The following RALGAPA2 variants were observed in gnomAD, a reference collection of about 807,000 sequenced individuals.
RALGAPA2 encodes Ral GTPase activating protein catalytic subunit alpha 2, also known as ral GTPase-activating protein subunit alpha-2.
In RALGAPA2, 139 loss-of-function variants were observed where a neutral mutation model predicts 230.4. The observed-to-expected ratio is 0.60, with a 90% confidence interval of 0.53 to 0.69. The LOEUF (loss-of-function observed/expected upper bound fraction) is 0.69, where lower values mean the gene tolerates loss of function less well. Ranked by LOEUF, RALGAPA2 falls within the 30% of genes least tolerant of loss-of-function variation. The pLI, the probability that RALGAPA2 is intolerant of heterozygous loss-of-function variation, is 0.00. For synonymous variants in RALGAPA2, 847 were observed against 837.8 expected (o/e 1.01, Z -0.19); for missense variants, 2,163 against 2,276.0 (o/e 0.95, Z 1.01).
chr20:20,509,696 A>T (rs59482506), intron 33 of RALGAPA2, among the ~76,000 whole-genome samples: 1 of 152,170 alleles, frequency 6.6e-6, no homozygotes, highest in African/African-American at 2.4e-5. Flanking sequence ...GGGTGAAGAA[A>T]AGAAAAGAAA....
intron 1 of RALGAPA2, among the ~76,000 whole-genome samples, chr20:20,692,952 C>T (rs2068968740): frequency 6.6e-6 from 1 of 152,274 alleles, no homozygotes. Context: ...CAAAAATATC[C>T]TTGTAGGCAG....
intron 5 of RALGAPA2, among the ~76,000 whole-genome samples, chr20:20,642,335 C>T (rs949668415): frequency 6.6e-6 from 1 of 151,992 alleles, no homozygotes; most frequent in East Asian, 1.9e-4. Flanking sequence ...CTCAGCCTCC[C>T]GAGTAGCTGA....
intron 10 of RALGAPA2, among the ~76,000 whole-genome samples, chr20:20,626,124 C>A (rs921875072): frequency 6.6e-6 from 1 of 152,212 alleles, no homozygotes; most frequent in Non-Finnish European, 1.5e-5. Flanking sequence ...ACTTCTTGAA[C>A]ATCCATTTTA....
rs1369361840 is a variant in RALGAPA2 at position 20,490,872 on chromosome 20, A to ACG, written c.5367+4244_5367+4245insCG. Among the ~76,000 whole-genome samples, 13 of 151,098 alleles carry ACG rather than the reference A, an allele frequency of 8.6e-5. 1 individual carries two copies. The highest frequency in any genetic ancestry group is 3.2e-4 in the African/African-American group (13 of 41,014). ...CATGAACACACATGAACACACACAC[A>ACG]CACACACACACACACACACACACTC... On this transcript the variant is annotated intron_variant, in intron 36 of 39. Transcript: ENST00000202677.
intron 37 of RALGAPA2, among the ~76,000 whole-genome samples, chr20:20,454,106 C>A (rs938922542): frequency 1.3e-5 from 2 of 152,060 alleles, no homozygotes; most frequent in African/African-American, 2.4e-5. Flanking sequence ...GAGCTAAGCT[C>A]AACTTAAGGG....
chr20:20,475,539 T>C (rs908473492), intron 36 of RALGAPA2, among the ~76,000 whole-genome samples: 3 of 152,042 alleles, frequency 2.0e-5, no homozygotes, highest in Non-Finnish European at 4.4e-5. Flanking sequence ...CACTCATAAT[T>C]AGAAAAACAA....
At chr20:20,493,884 T>C (rs2062131902) in intron 36 of RALGAPA2, among the ~76,000 whole-genome samples, 1 of 152,222 alleles carries the variant, frequency 6.6e-6, no homozygotes, top group Non-Finnish European at 1.5e-5. Flanking sequence ...ACTTTTGGCA[T>C]CTGCGTTCCC....
chr20:20,397,929 C>G (rs1325238521), intron 38 of RALGAPA2, among the ~76,000 whole-genome samples: 5 of 152,154 alleles, frequency 3.3e-5, no homozygotes. Flanking sequence ...CCGTTAACAC[C>G]GTTCCTTCTC....
At chr20:20,614,844 C>T (rs767239697) in intron 13 of RALGAPA2, among the ~76,000 whole-genome samples, 4 of 152,188 alleles carry the variant, frequency 2.6e-5, no homozygotes, top group Non-Finnish European at 5.9e-5. Context: ...CTCCAGAATA[C>T]AGGCATAGGC....
intron 1 of RALGAPA2, among the ~76,000 whole-genome samples, chr20:20,693,496 T>C (rs1423318046): frequency 6.6e-6 from 1 of 152,048 alleles, no homozygotes; most frequent in Non-Finnish European, 1.5e-5. Flanking sequence ...TCAAAATCGC[T>C]CCTGAGGGGA....
At chr20:20,526,163 C>CA (rs1385691623) in intron 28 of RALGAPA2, 89 bp downstream of exon 28, 1 of 1,031,434 alleles carries the variant, frequency 9.7e-7, no homozygotes, top group African/African-American at 1.6e-5. Flanking sequence ...GGTTCTCTAA[C>CA]AATTATTTGA....
At chr20:20,498,365 A>G (rs2062274215) in intron 35 of RALGAPA2, among the ~76,000 whole-genome samples, 1 of 152,224 alleles carries the variant, frequency 6.6e-6, no homozygotes, top group Non-Finnish European at 1.5e-5. Context: ...GTCTTAAGAA[A>G]TCAATCCCGG....
chr20:20,600,875 G>A (rs1176459770), intron 16 of RALGAPA2, among the ~76,000 whole-genome samples: 1 of 152,226 alleles, frequency 6.6e-6, no homozygotes. Flanking sequence ...GCCGAGGCGG[G>A]CAGATCACGA....
chr20:20,607,717 T>C (rs2065862914), intron 14 of RALGAPA2, among the ~76,000 whole-genome samples: 1 of 152,220 alleles, frequency 6.6e-6, no homozygotes, highest in South Asian at 2.1e-4. Context: ...AAAGCAGATG[T>C]CTTGGTGTAA....
chr20:20,552,565 A>C (rs926652187), intron 23 of RALGAPA2, among the ~76,000 whole-genome samples: 2 of 152,210 alleles, frequency 1.3e-5, no homozygotes, highest in Admixed American at 1.3e-4. Flanking sequence ...GGCTAACAAA[A>C]AGATATGATT....
intron 12 of RALGAPA2, among the ~76,000 whole-genome samples, chr20:20,619,070 A>G (rs1249812322): frequency 6.6e-6 from 1 of 152,238 alleles, no homozygotes; most frequent in Non-Finnish European, 1.5e-5. Context: ...TTGACTAGAA[A>G]AAAATTTTTG....
At chr20:20,709,279 A>G (rs1219179255) in intron 1 of RALGAPA2, among the ~76,000 whole-genome samples, 4 of 151,874 alleles carry the variant, frequency 2.6e-5, no homozygotes, top group Non-Finnish European at 4.4e-5. Context: ...AGACGGCACC[A>G]CTGCACTCCA....
rs1248953445 is a variant in RALGAPA2, at chr20:20,458,517, T to A, written c.5495+14312A>T. On this transcript the variant is annotated intron_variant, in intron 37 of 39. Transcript: ENST00000202677. ...ATATATATTATATATAATATATATGTATTTTATATATATTATATATAATAT... is the reference window on the plus strand; with the variant it reads ...ATATATATTATATATAATATATATGAATTTTATATATATTATATATAATAT... 5.6e-4 allele frequency among the ~76,000 whole-genome samples: 77 copies of A among 137,432 alleles called. 1 individual carries two copies. The highest frequency in any genetic ancestry group is 6.0e-4 in the Non-Finnish European group (39 of 64,736). The allele number at this position is 137,432 out of a possible 152,430, so 90.2% of individuals were successfully genotyped here.
intron 23 of RALGAPA2, among the ~76,000 whole-genome samples, chr20:20,570,017 C>T (rs534114829): frequency 6.6e-6 from 1 of 152,266 alleles, no homozygotes; most frequent in East Asian, 1.9e-4. Flanking sequence ...TCCACATACC[C>T]TGAGTTGCAT....
Sources: allele counts gnomAD v4.1 joint callset (sites outside exome capture counted in the v4.1 genomes callset), GRCh38; gene constraint gnomAD v4.1.1; transcripts MANE v1.5; gene names NCBI Gene and HGNC (gene_info 2026-07-23, HGNC 2026-07-21).